The following ZNF664 variants were observed in gnomAD, a reference collection of about 807,000 sequenced individuals.
ZNF664 encodes zinc finger Organ of Corti 1.
In ZNF664, 10 loss-of-function variants were observed where a neutral mutation model predicts 18.2. That is an observed-to-expected ratio of 0.55 (90% CI 0.34 to 0.93). The LOEUF (loss-of-function observed/expected upper bound fraction) is 0.93, where lower values mean the gene tolerates loss of function less well. Among genes scored for constraint, ZNF664 ranks in the 40% least tolerant of loss-of-function variants. ZNF664 has a pLI of 0.02. For missense variants in ZNF664, 193 were observed against 319.0 expected (o/e 0.61, Z 3.01); for synonymous variants, 119 against 104.2 (o/e 1.14, Z -0.86).
intron 2 of ZNF664, 106 bp downstream of exon 2, chr12:123,974,126 T>A (rs1956647516): frequency 1.2e-6 from 1 of 825,240 alleles, no homozygotes; most frequent in African/African-American, 1.8e-5. Flanking sequence ...CCCCGGCTTC[T>A]CATGAACTCC....
intron 2 of ZNF664, among the ~76,000 whole-genome samples, chr12:123,986,819 G>A (rs1237293550): frequency 6.6e-6 from 1 of 152,080 alleles, no homozygotes; most frequent in Non-Finnish European, 1.5e-5. Flanking sequence ...GTTCAGTAAG[G>A]GAGGAAAAAA....
chr12:123,997,391 C>T (rs1956962407), intron 3 of ZNF664, among the ~76,000 whole-genome samples: 1 of 152,212 alleles, frequency 6.6e-6, no homozygotes, highest in Non-Finnish European at 1.5e-5. Flanking sequence ...TATTGTCTCA[C>T]AGTTCTGGAG....
chr12:123,979,867 A>G (rs1956741825), intron 2 of ZNF664, among the ~76,000 whole-genome samples: 1 of 152,106 alleles, frequency 6.6e-6, no homozygotes, highest in South Asian at 2.1e-4. Flanking sequence ...TTTTTTTTGT[A>G]GAGACGGAGT....
intron 3 of ZNF664, among the ~76,000 whole-genome samples, chr12:123,999,238 A>G (rs1177388135): frequency 1.3e-5 from 2 of 152,194 alleles, no homozygotes; most frequent in African/African-American, 4.8e-5. Flanking sequence ...GGAGGCCGAC[A>G]TGTCATCTTC....
rs185516566 is a variant in ZNF664 at position 123,997,812 on chromosome 12, G to C, written c.-661+9674G>C. ...CTCCAGCTAATCCAGATGCAACATT[G>C]ACGAATTAGTGCCGGAATGAGTATC... On this transcript the variant is annotated intron_variant, in intron 3 of 4. Coordinates refer to ENST00000337815, the MANE Select transcript of ZNF664 (RefSeq NM_152437.3). 16 of 152,334 alleles carry C rather than the reference G, an allele frequency of 1.1e-4. No individual in the cohort carries two copies. In the East Asian group the frequency reaches 3.1e-3, roughly 29 times the overall value. 9.4% of individuals were successfully genotyped at this position (152,334 alleles called of 1,614,324 possible).
At chr12:124,001,138 C>T (rs1957006964) in intron 3 of ZNF664, among the ~76,000 whole-genome samples, 1 of 152,114 alleles carries the variant, frequency 6.6e-6, no homozygotes, top group Non-Finnish European at 1.5e-5. Context: ...TTTCCTTGTC[C>T]CTCACCCATT....
chr12:123,978,613 A>T (rs1044287007), intron 2 of ZNF664, among the ~76,000 whole-genome samples: 1 of 152,224 alleles, frequency 6.6e-6, no homozygotes, highest in African/African-American at 2.4e-5. Context: ...ATGTAATTAC[A>T]ATTGAAATCC....
Position 123,973,271 on chromosome 12 carries a change from G to A in ZNF664, c.-973G>A. 2.0e-6 allele frequency: 2 copies of A among 1,005,202 alleles called. No homozygotes were observed. Among genetic ancestry groups the A allele is most frequent in the Non-Finnish European group, 2.4e-6 (2 of 846,230 alleles). 62.3% of individuals were successfully genotyped at this position (1,005,202 alleles called of 1,614,324 possible). ...GAGCGCGCGCGCGCGCGGCTCGGAGGCGCACCTGTGAGGTGTCCCTGAGGA... is the reference window on the plus strand; with the variant it reads ...GAGCGCGCGCGCGCGCGGCTCGGAGACGCACCTGTGAGGTGTCCCTGAGGA... On this transcript the variant is annotated 5_prime_UTR_variant, in exon 1 of 5. Coordinates refer to ENST00000337815, the MANE Select transcript of ZNF664 (RefSeq NM_152437.3).
chr12:123,988,268 T>C, intron 3 of ZNF664, 130 bp downstream of exon 3: 1 of 757,400 alleles, frequency 1.3e-6, no homozygotes, highest in Non-Finnish European at 1.8e-6. Context: ...CAGCTCTCCG[T>C]GCACGCTCTT....
At chr12:124,007,620 G>A (rs1211601721) in intron 3 of ZNF664, among the ~76,000 whole-genome samples, 1 of 152,152 alleles carries the variant, frequency 6.6e-6, no homozygotes. Flanking sequence ...AGTCACAGTT[G>A]CCCCTCTATG....
In ZNF664 at chr12:124,014,268, C is replaced by T. The variant is rs1023950101; in HGVS notation, c.*1338C>T. ...CTGAGGCCGGAGGAGAAGTAGCAGT[C>T]GCTGGCAGAGCACACAGGCTGCTCT... On this transcript the variant is annotated 3_prime_UTR_variant, in exon 5 of 5. Transcript: ENST00000337815. 4.8e-5 allele frequency: 8 copies of T among 167,080 alleles called. No homozygotes were observed. The highest frequency in any genetic ancestry group is 1.7e-4 in the African/African-American group (7 of 41,388). 10.3% of individuals were successfully genotyped at this position (167,080 alleles called of 1,614,324 possible). A position where few individuals can be genotyped will look rare whatever the true frequency, so the allele number is the denominator to read the frequency against.
chr12:124,005,524 T>TGTGTGTGTGTGTGTGTGTGA (rs137963321), intron 3 of ZNF664, among the ~76,000 whole-genome samples: 4 of 147,248 alleles, frequency 2.7e-5, no homozygotes, highest in African/African-American at 1.0e-4. Context: ...TGTGTGTGTG[T>TGTGTGTGTGTGTGTGTGTGA]GAGAGATAGG....
intron 2 of ZNF664, among the ~76,000 whole-genome samples, chr12:123,980,493 T>A (rs1199471094): frequency 6.6e-6 from 1 of 152,222 alleles, no homozygotes; most frequent in Non-Finnish European, 1.5e-5. Context: ...AGAAAAGCTT[T>A]CTGCACAAAA....
At chr12:123,980,066 A>G (rs1007009503) in intron 2 of ZNF664, among the ~76,000 whole-genome samples, 1 of 152,228 alleles carries the variant, frequency 6.6e-6, no homozygotes, top group African/African-American at 2.4e-5. Flanking sequence ...TTGAGCCAAA[A>G]AAGCAAGCTT....
At chr12:123,974,063 C>T (rs1956645099) in intron 2 of ZNF664, 43 bp downstream of exon 2, 1 of 1,120,030 alleles carries the variant, frequency 8.9e-7, no homozygotes, top group East Asian at 3.2e-5. Context: ...CTGACTCCCG[C>T]CTCCGCAGGC....
In ZNF664 at chr12:123,979,745, A is replaced by G. The variant is rs1407365822; in HGVS notation, c.-757+5725A>G. On this transcript the variant is annotated intron_variant, in intron 2 of 4. Coordinates refer to ENST00000337815, the MANE Select transcript of ZNF664 (RefSeq NM_152437.3). The stretch of plus-strand genomic sequence containing the variant: ...CTAGGCTGGAGTGCAGTGGTACGGA[A>G]TGTGGTTCAGTGTAGCCTCAGCCTC... Among the ~76,000 whole-genome samples, 10 of 152,206 alleles carry G rather than the reference A, an allele frequency of 6.6e-5. No individual in the cohort carries two copies. In the East Asian group the frequency reaches 1.7e-3, roughly 26 times the overall value.
intron 3 of ZNF664, among the ~76,000 whole-genome samples, chr12:124,004,606 A>G (rs1465806132): frequency 1.3e-5 from 2 of 152,188 alleles, no homozygotes; most frequent in African/African-American, 4.8e-5. Context: ...TGGGCCACAG[A>G]TGGGTACCAG....
intron 2 of ZNF664, among the ~76,000 whole-genome samples, chr12:123,984,950 A>G (rs890517588): frequency 9.2e-5 from 14 of 152,104 alleles, no homozygotes; most frequent in Non-Finnish European, 1.3e-4. Context: ...GGCCAGAGGA[A>G]AAGTGAGAAT....
intron 3 of ZNF664, among the ~76,000 whole-genome samples, chr12:124,000,683 C>T (rs1298264584): frequency 6.6e-6 from 1 of 152,198 alleles, no homozygotes; most frequent in Non-Finnish European, 1.5e-5. Context: ...GCCCCTCTGT[C>T]TGCTCTGTTG....
Sources: allele counts gnomAD v4.1 joint callset (sites outside exome capture counted in the v4.1 genomes callset), GRCh38; gene constraint gnomAD v4.1.1; transcripts MANE v1.5; gene names NCBI Gene and HGNC (gene_info 2026-07-23, HGNC 2026-07-21).